The following THSD4 variants were observed in gnomAD, a reference collection of about 807,000 sequenced individuals.
The protein encoded by THSD4 is thrombospondin type 1 domain containing 4.
In THSD4, 69 loss-of-function variants were observed where a neutral mutation model predicts 119.0. The observed-to-expected ratio is 0.58, with a 90% CI of 0.48 to 0.71. THSD4 has a LOEUF of 0.71. Ranked by LOEUF, THSD4 falls within the 30% of genes least tolerant of loss-of-function variation. The pLI, the probability that THSD4 is intolerant of heterozygous loss-of-function variation, is 0.00. For missense variants in THSD4, 1,393 were observed against 1,391.1 expected (o/e 1.00, Z -0.02); for synonymous variants, 524 against 540.4 (o/e 0.97, Z 0.42).
rs185500488 is a variant in THSD4, at chr15:71,497,318, G to A, written c.1152+85495G>A. On this transcript the variant is annotated intron_variant, in intron 7 of 17. Coordinates refer to ENST00000261862, the MANE Select transcript of THSD4 (RefSeq NM_024817.3). The stretch of plus-strand genomic sequence containing the variant: ...ACTTGAGGTCAGGAGTTCGAGACCA[G>A]CCTGGCCAATGTGGCAATACCCCAT... Among the ~76,000 whole-genome samples the A allele has an allele frequency of 1.2e-4, 18 of 152,242 alleles. No individual in the cohort carries two copies. The East Asian group carries it at 3.1e-3, about 26-fold the overall frequency.
At chr15:71,509,840 T>C (rs2048251499) in intron 7 of THSD4, among the ~76,000 whole-genome samples, 1 of 152,228 alleles carries the variant, frequency 6.6e-6, no homozygotes, top group African/African-American at 2.4e-5. Flanking sequence ...TCTACCAAGC[T>C]ACCCAACTGG....
chr15:71,500,425 TTG>T (rs2048092862), intron 7 of THSD4, among the ~76,000 whole-genome samples: 3 of 152,194 alleles, frequency 2.0e-5, no homozygotes, highest in Admixed American at 2.0e-4. Context: ...ATTCCATAGG[TTG>T]TCTTTTTCCT....
At chr15:71,403,700 T>G (rs919907942) in intron 6 of THSD4, among the ~76,000 whole-genome samples, 11 of 152,228 alleles carry the variant, frequency 7.2e-5, no homozygotes, top group African/African-American at 1.4e-4. Flanking sequence ...GTAGGGTTGC[T>G]TATTGCTTTC....
At chr15:71,100,671 C>G (rs913429729) in intron 1 of THSD4, among the ~76,000 whole-genome samples, 1 of 152,068 alleles carries the variant, frequency 6.6e-6, no homozygotes, top group Non-Finnish European at 1.5e-5. Context: ...TGTGTTTATA[C>G]CATTTAAATT....
chr15:71,554,095 G>GTTTTTT (rs58075201), intron 7 of THSD4, among the ~76,000 whole-genome samples: 14 of 137,578 alleles, frequency 1.0e-4, no homozygotes, highest in Non-Finnish European at 1.9e-4. Context: ...GTTTGGTTTG[G>GTTTTTT]TTTTTTTTTT....
intron 5 of THSD4, among the ~76,000 whole-genome samples, chr15:71,252,821 A>G (rs2044274331): frequency 6.6e-6 from 1 of 152,210 alleles, no homozygotes; most frequent in South Asian, 2.1e-4. Context: ...TGTAAATCAC[A>G]TAGTGGAATG....
At chr15:71,543,608 A>G (rs1310869164) in intron 7 of THSD4, among the ~76,000 whole-genome samples, 1 of 152,202 alleles carries the variant, frequency 6.6e-6, no homozygotes, top group Non-Finnish European at 1.5e-5. Context: ...GTTTCAGGGA[A>G]ACACTAGCTC....
intron 7 of THSD4, among the ~76,000 whole-genome samples, chr15:71,475,952 TA>T (rs1389248401): frequency 1.3e-5 from 2 of 152,098 alleles, no homozygotes; most frequent in African/African-American, 4.8e-5. Context: ...CTTTATTTTT[TA>T]AAAGAAGTGG....
At chr15:71,579,819 C>A (rs2049523919) in intron 7 of THSD4, among the ~76,000 whole-genome samples, 1 of 152,106 alleles carries the variant, frequency 6.6e-6, no homozygotes. Flanking sequence ...GTGACCAAAC[C>A]TGCCCAACTC....
chr15:71,665,554 C>T (rs1272010164), intron 8 of THSD4, among the ~76,000 whole-genome samples: 1 of 152,078 alleles, frequency 6.6e-6, no homozygotes, highest in Middle Eastern at 3.2e-3. Context: ...TTAGCATCTT[C>T]ATCATGAAAT....
At chr15:71,236,963 T>C (rs1328617236) in intron 4 of THSD4, among the ~76,000 whole-genome samples, 1 of 152,078 alleles carries the variant, frequency 6.6e-6, no homozygotes, top group Non-Finnish European at 1.5e-5. Context: ...GGTCATTATT[T>C]TGGGAAACGA....
At position 71,745,367 on chromosome 15, in the gene THSD4, T is replaced by G. The variant is rs191337977; in HGVS notation, c.2036+132T>G. On this transcript the variant is annotated intron_variant, in intron 12 of 17. Coordinates refer to ENST00000261862, the MANE Select transcript of THSD4 (RefSeq NM_024817.3). ...TACAAGACTTGGACCATGCATAAAA[T>G]GCAGTCTGTTTAGCAGGCACACCTG... 7.2e-6 allele frequency: 9 copies of G among 1,246,416 alleles called. No homozygotes were observed. The Admixed American group carries it at 2.0e-4, about 28-fold the overall frequency. The allele number at this position is 1,246,416 out of a possible 1,614,324, so 77.2% of individuals were successfully genotyped here.
intron 1 of THSD4, among the ~76,000 whole-genome samples, chr15:71,100,021 A>T (rs2040247697): frequency 6.6e-6 from 1 of 152,196 alleles, no homozygotes; most frequent in South Asian, 2.1e-4. Context: ...AGTTTCTCTT[A>T]GGCAGTATGT....
At chr15:71,394,076 A>ATTT (rs1215564486) in intron 6 of THSD4, among the ~76,000 whole-genome samples, 5 of 69,290 alleles carry the variant, frequency 7.2e-5, no homozygotes, top group South Asian at 1.1e-3. Context: ...CAGATACACA[A>ATTT]TATTTTTTTT....
chr15:71,761,766 A>G (rs1176035949), intron 15 of THSD4, among the ~76,000 whole-genome samples: 3 of 152,202 alleles, frequency 2.0e-5, no homozygotes, highest in Admixed American at 2.0e-4. Flanking sequence ...TCTTTCAAAT[A>G]GGATTTGTAA....
intron 15 of THSD4, among the ~76,000 whole-genome samples, chr15:71,761,226 C>G (rs191487487): frequency 2.0e-5 from 3 of 152,090 alleles, no homozygotes; most frequent in Non-Finnish European, 1.5e-5. Context: ...AGTTATAAAT[C>G]TTCTAGTGGT....
At position 71,215,408 on chromosome 15, in the gene THSD4, C is replaced by G. The variant is rs2043924420; in HGVS notation, c.464+9C>G. On this transcript the variant is annotated intron_variant, in intron 4 of 17. Transcript: ENST00000261862. The stretch of plus-strand genomic sequence containing the variant: ...GTCACTGGGGACAGAAGGTACACGC[C>G]CGCCCTTGTCTGTGCCGCTCCCCGT... 1 of 1,517,668 alleles carries G rather than the reference C, an allele frequency of 6.6e-7. No homozygotes were observed. The highest frequency in any genetic ancestry group is 8.8e-7 in the Non-Finnish European group (1 of 1,137,616). The allele number at this position is 1,517,668 out of a possible 1,614,324, so 94.0% of individuals were successfully genotyped here. A position where few individuals can be genotyped will look rare whatever the true frequency, so the allele number is the denominator to read the frequency against.
chr15:71,348,870 G>A (rs567018442), intron 6 of THSD4, among the ~76,000 whole-genome samples: 1 of 152,332 alleles, frequency 6.6e-6, no homozygotes, highest in Non-Finnish European at 1.5e-5. Flanking sequence ...AGCCTCCAGA[G>A]GAACCCTGGT....
intron 8 of THSD4, among the ~76,000 whole-genome samples, chr15:71,661,834 AAAAC>A (rs541419047): frequency 6.7e-4 from 102 of 152,352 alleles, no homozygotes; most frequent in African/African-American, 2.4e-3. Flanking sequence ...GAACTTACCT[AAAAC>A]AAACTATGTG....
Sources: gnomAD v4.1 joint callset for allele counts (sites outside exome capture counted in the v4.1 genomes callset) on GRCh38, gnomAD v4.1.1 for gene constraint, MANE v1.5 for transcripts, NCBI Gene and HGNC (gene_info 2026-07-23, HGNC 2026-07-21) for gene names.